Variants in SAPCD2 observed in about 807,000 individuals in gnomAD.
SAPCD2 encodes the protein suppressor APC domain containing 2.
In SAPCD2, 34 loss-of-function variants were observed where a neutral mutation model predicts 37.8. The observed-to-expected ratio is 0.90, with a 90% CI of 0.68 to 1.20. SAPCD2 has a LOEUF of 1.20. SAPCD2 is among the 50% of genes most tolerant of loss of function. The pLI is 0.00. For missense variants in SAPCD2, 572 were observed against 584.7 expected, an observed-to-expected ratio of 0.98 and a Z score of 0.22; for synonymous variants, 275 against 270.3, an observed-to-expected ratio of 1.02 and a Z score of -0.17.
chr9:137,070,251 C>A lies in SAPCD2; in HGVS notation c.210G>T (p.Glu70Asp). The change falls in exon 1 of 6, where the codon GAG (glutamate) becomes GAT (aspartate). Residue 70 changes from glutamate to aspartate, a missense_variant. Coordinates refer to ENST00000409687, the MANE Select transcript of SAPCD2 (RefSeq NM_178448.4). ...TGGCCGGGGCCACCTGGCGCAAGCCCTCCAGCACCCCGCGGGGCAGCTCCC... is the reference window on the plus strand; with the variant it reads ...TGGCCGGGGCCACCTGGCGCAAGCCATCCAGCACCCCGCGGGGCAGCTCCC... ...DARELPRGVL[E>D]GLRQVAPASG... is the part of the protein sequence containing the mutation. The A allele has an allele frequency of 6.9e-7, 1 of 1,440,676 alleles. No individual in the cohort carries two copies. Among genetic ancestry groups the A allele is most frequent in the Admixed American group, 2.4e-5 (1 of 41,714 alleles). 89.2% of individuals were successfully genotyped at this position (1,440,676 alleles called of 1,614,324 possible).
chr9:137,064,985 G>T lies in SAPCD2; in HGVS notation c.940-6C>A. ...GAGGAGGACGGGGGCAGGGCCTGCG[G>T]GAGGGCAGGATTAGGCAGGCCTGGA... On this transcript the variant is annotated splice_polypyrimidine_tract_variant and splice_region_variant and intron_variant, in intron 4 of 5. Transcript: ENST00000409687. The T allele has an allele frequency of 6.6e-7, 1 of 1,504,230 alleles. No individual in the cohort carries two copies. Among genetic ancestry groups the T allele is most frequent in the Non-Finnish European group, 9.0e-7 (1 of 1,109,218 alleles). The allele number at this position is 1,504,230 out of a possible 1,614,324, so 93.2% of individuals were successfully genotyped here.
At position 137,066,338 on chromosome 9, in the gene SAPCD2, CCT is replaced by C. The variant is rs779849623; in HGVS notation, c.606_607del (p.Asp204CysfsTer155). 9.9e-6 allele frequency: 16 copies of C among 1,609,418 alleles called. No individual in the cohort carries two copies. The highest frequency in any genetic ancestry group is 1.7e-4 in the Middle Eastern group (1 of 5,910). ...GGCACGGGGAGCCCGCCGGGCATCCCCTGAGTCCGCCTCCAGGGCCCTGCACG... is the reference window on the plus strand; with the variant it reads ...GGCACGGGGAGCCCGCCGGGCATCCCGAGTCCGCCTCCAGGGCCCTGCACG... On this transcript the variant is annotated frameshift_variant, in exon 2 of 6. Coordinates refer to ENST00000409687, the MANE Select transcript of SAPCD2 (RefSeq NM_178448.4). LOFTEE classifies it high-confidence loss of function.
Position 137,065,657 on chromosome 9 carries a change from C to T in SAPCD2, c.696G>A (p.Met232Ile), listed in dbSNP as rs1394372747. 1 of 1,604,462 alleles carries T rather than the reference C, an allele frequency of 6.2e-7. No individual in the cohort carries two copies. Among genetic ancestry groups the T allele is most frequent in the Non-Finnish European group, 8.5e-7 (1 of 1,173,440 alleles). Residue 232 changes from methionine (M) to isoleucine (I), a missense_variant, in exon 3 of 6, where the codon ATG (methionine) becomes ATA (isoleucine). Physicochemically the swap from Met to Ile is conservative, Grantham distance 10. Coordinates refer to ENST00000409687, the MANE Select transcript of SAPCD2 (RefSeq NM_178448.4). ...SGVDCGLLKQ[M>I]KELEQEKEVL... ...CCTCCTTCTCCTGCTCCAGCTCCTT[C>T]ATCTGCTTCAGCTGCAATACGTGCA...
At chr9:137,065,726 A>C (rs2176674) in intron 2 of SAPCD2, 58 bp from the exon 3 acceptor site, 1 of 1,546,940 alleles carries the variant, frequency 6.5e-7, no homozygotes, top group Non-Finnish European at 8.8e-7. Context: ...ACACGTCCAC[A>C]CATGCATGAG....
rs528155785 is a variant in SAPCD2 at position 137,063,653 on chromosome 9, C to G, written c.*1006G>C. ...GCTGAGCAGGGCCCCCCCACCAGTGCGTACTCCAGCACCAGCGGGAGTGGG... is the reference window on the plus strand; with the variant it reads ...GCTGAGCAGGGCCCCCCCACCAGTGGGTACTCCAGCACCAGCGGGAGTGGG... On this transcript the variant is annotated 3_prime_UTR_variant, in exon 6 of 6. Coordinates refer to ENST00000409687, the MANE Select transcript of SAPCD2 (RefSeq NM_178448.4). 1.3e-5 allele frequency: 2 copies of G among 152,328 alleles called. No individual in the cohort carries two copies. Among genetic ancestry groups the G allele is most frequent in the Admixed American group, 6.5e-5 (1 of 15,282 alleles). The allele number at this position is 152,328 out of a possible 1,614,324, so 9.4% of individuals were successfully genotyped here.
chr9:137,066,105 C>T (rs1465538667), intron 2 of SAPCD2, among the ~76,000 whole-genome samples, 157 bp downstream of exon 2: 1 of 152,228 alleles, frequency 6.6e-6, no homozygotes, highest in East Asian at 1.9e-4. Flanking sequence ...CTGGGCCATC[C>T]CTCCAGGGGA....
At chr9:137,066,036 C>T (rs1324294387) in intron 2 of SAPCD2, among the ~76,000 whole-genome samples, 1 of 152,212 alleles carries the variant, frequency 6.6e-6, no homozygotes, top group East Asian at 1.9e-4. Flanking sequence ...CCTCGTGAGG[C>T]GGGCTGGGCA....
intron 1 of SAPCD2, 120 bp from the exon 2 acceptor site, chr9:137,066,494 G>GC (rs1351768089): frequency 1.5e-6 from 1 of 689,306 alleles, no homozygotes; most frequent in Non-Finnish European, 2.4e-6. Flanking sequence ...GCCTGGCATG[G>GC]CCCACGTGTA....
At position 137,067,737 on chromosome 9, in the gene SAPCD2, T is replaced by C. The variant is rs545330859; in HGVS notation, c.572-1363A>G. Among the ~76,000 whole-genome samples, 12 of 120,396 alleles carry C rather than the reference T, an allele frequency of 1.0e-4. No individual in the cohort carries two copies. The South Asian group carries it at 2.8e-3, about 28-fold the overall frequency. 79.0% of individuals were successfully genotyped at this position (120,396 alleles called of 152,430 possible). A position where few individuals can be genotyped will look rare whatever the true frequency, so the allele number is the denominator to read the frequency against. On this transcript the variant is annotated intron_variant, in intron 1 of 5. Coordinates refer to ENST00000409687, the MANE Select transcript of SAPCD2 (RefSeq NM_178448.4). The stretch of plus-strand genomic sequence containing the variant: ...TGCAGTGAGCTGAGATTCGCGCCAC[T>C]GCACTCCAGCCTGGGCGACAGAGCA...
Position 137,070,514 on chromosome 9 carries a change from A to T in SAPCD2, c.-54T>A. 1 of 1,111,260 alleles carries T rather than the reference A, an allele frequency of 9.0e-7. No individual in the cohort carries two copies. The highest frequency in any genetic ancestry group is 1.1e-6 in the Non-Finnish European group (1 of 887,094). 68.8% of individuals were successfully genotyped at this position (1,111,260 alleles called of 1,614,324 possible). On this transcript the variant is annotated 5_prime_UTR_variant, in exon 1 of 6. Coordinates refer to ENST00000409687, the MANE Select transcript of SAPCD2 (RefSeq NM_178448.4). ...CCCGCGTGCGTCCCAGCGCGGCCCC[A>T]CGGAGGGGCCGGCCCGGCGAGCTCA...
intron 1 of SAPCD2, among the ~76,000 whole-genome samples, chr9:137,067,831 G>T (rs1041944321): frequency 2.4e-4 from 36 of 148,806 alleles, no homozygotes; most frequent in African/African-American, 8.7e-4. Context: ...GCCAGGCGGT[G>T]CACCCAACTG....
Position 137,063,274 on chromosome 9 carries a change from C to G in SAPCD2, c.*1385G>C, listed in dbSNP as rs1003694071. ...CTGACTTGGGCCTGTCCTGGGACAC[C>G]CCTGCAGACCAGGTGCAGCAGGGAA... is the stretch of plus-strand genomic sequence containing the variant. On this transcript the variant is annotated 3_prime_UTR_variant, in exon 6 of 6. Coordinates refer to ENST00000409687, the MANE Select transcript of SAPCD2 (RefSeq NM_178448.4). 13 of 152,346 alleles carry G rather than the reference C, an allele frequency of 8.5e-5. No homozygotes were observed. Among genetic ancestry groups the G allele is most frequent in the Admixed American group, 7.9e-4 (12 of 15,284 alleles). The allele number at this position is 152,346 out of a possible 1,614,324, so 9.4% of individuals were successfully genotyped here.
chr9:137,064,824 C>G, intron 5 of SAPCD2, 37 bp from the exon 6 acceptor site: 1 of 1,582,170 alleles, frequency 6.3e-7, no homozygotes, highest in Non-Finnish European at 8.6e-7. Flanking sequence ...CCTGCGGGGC[C>G]TCACCCCCAC....
chr9:137,064,240 G>A lies in SAPCD2; in HGVS notation c.*419C>T, dbSNP rs750535214. 3 of 223,448 alleles carry A rather than the reference G, an allele frequency of 1.3e-5. No individual in the cohort carries two copies. Among genetic ancestry groups the A allele is most frequent in the African/African-American group, 2.4e-5 (1 of 42,188 alleles). The allele number at this position is 223,448 out of a possible 1,614,324, so 13.8% of individuals were successfully genotyped here. The stretch of plus-strand genomic sequence containing the variant: ...GGGAAGCTGCCCTTGGACCCGCGTC[G>A]GAGCCGCCCCGCGCCCTCTGCTGCC... On this transcript the variant is annotated 3_prime_UTR_variant, in exon 6 of 6. Coordinates refer to ENST00000409687, the MANE Select transcript of SAPCD2 (RefSeq NM_178448.4).
chr9:137,068,851 C>T (rs1293649016), intron 1 of SAPCD2, among the ~76,000 whole-genome samples: 1 of 152,264 alleles, frequency 6.6e-6, no homozygotes, highest in Non-Finnish European at 1.5e-5. Flanking sequence ...GCATTTGGAG[C>T]CAGATACCCT....
At chr9:137,066,870 C>T (rs913334962) in intron 1 of SAPCD2, among the ~76,000 whole-genome samples, 6 of 152,178 alleles carry the variant, frequency 3.9e-5, no homozygotes, top group East Asian at 1.9e-4. Context: ...AAGTTAGTCC[C>T]GCATGGCCGG....
Position 137,065,137 on chromosome 9 carries a change from TG to T in SAPCD2, c.879del (p.Lys294ArgfsTer34). ...GSPRPLGRLL[P>X]KVQEVARCLG... ...AGGCACCGGGCCACCTCTTGTACCT[TG>T]GGCAGTAGCCGCCCCAGTGGGCGGG... On this transcript the variant is annotated frameshift_variant, in exon 4 of 6. Transcript: ENST00000409687. LOFTEE classifies it high-confidence loss of function. The T allele has an allele frequency of 6.5e-7, 1 of 1,531,288 alleles. No homozygotes were observed. The allele number at this position is 1,531,288 out of a possible 1,614,324, so 94.9% of individuals were successfully genotyped here. A position where few individuals can be genotyped will look rare whatever the true frequency, so the allele number is the denominator to read the frequency against.
chr9:137,070,424 G>A lies in SAPCD2; in HGVS notation c.37C>T (p.Pro13Ser), dbSNP rs1832610137. The change falls in exon 1 of 6, where the codon CCT (proline) becomes TCT (serine). Residue 13 changes from proline (P) to serine (S), a missense_variant. By Grantham distance (74) the Pro-to-Ser change is moderately conservative. Coordinates refer to ENST00000409687, the MANE Select transcript of SAPCD2 (RefSeq NM_178448.4). Reference protein sequence around the residue: ...GAAMAERGRVPPPAPAPSTEG... With the variant: ...GAAMAERGRVSPPAPAPSTEG... The stretch of plus-strand genomic sequence containing the variant: ...GTGCTGGGCGCGGGTGCGGGGGGAG[G>A]CACGCGGCCCCGCTCGGCCATGGCG... 1 of 1,289,968 alleles carries A rather than the reference G, an allele frequency of 7.8e-7. No individual in the cohort carries two copies. The highest frequency in any genetic ancestry group is 9.8e-7 in the Non-Finnish European group (1 of 1,019,046). The allele number at this position is 1,289,968 out of a possible 1,614,324, so 79.9% of individuals were successfully genotyped here. A position where few individuals can be genotyped will look rare whatever the true frequency, so the allele number is the denominator to read the frequency against.
chr9:137,066,359 C>A lies in SAPCD2; in HGVS notation c.587G>T (p.Arg196Met). The A allele has an allele frequency of 6.2e-7, 1 of 1,602,248 alleles. No individual in the cohort carries two copies. The highest frequency in any genetic ancestry group is 1.7e-5 in the Admixed American group (1 of 58,970). Residue 196 changes from arginine to methionine, a missense_variant, in exon 2 of 6, where the codon AGG becomes ATG. Transcript: ENST00000409687. ...SSADAGAVAC[R>M]ALEADSGDAR... ...ATCCCCTGAGTCCGCCTCCAGGGCC[C>A]TGCACGCCACTGCACCTGTTATGGA...
Sources: gnomAD v4.1 joint callset for allele counts (sites outside exome capture counted in the v4.1 genomes callset) on GRCh38, gnomAD v4.1.1 for gene constraint, MANE v1.5 for transcripts, NCBI Gene and HGNC (gene_info 2026-07-23, HGNC 2026-07-21) for gene names.